Variants in DLX1 observed in about 807,000 individuals in gnomAD.
DLX1 encodes the protein homeobox protein DLX-1.
In DLX1, 7 loss-of-function variants were observed where a neutral mutation model predicts 25.0. The ratio of observed to expected loss-of-function variants is 0.28; its 90% CI spans 0.16 to 0.52. The LOEUF (loss-of-function observed/expected upper bound fraction) is 0.52, where lower values mean the gene tolerates loss of function less well. Among genes scored for constraint, DLX1 ranks in the 20% least tolerant of loss-of-function variants. DLX1 has a pLI of 0.96. For synonymous variants in DLX1, 155 were observed against 140.3 expected (o/e 1.10, Z -0.74); for missense variants, 233 against 334.4 (o/e 0.70, Z 2.37).
At chr2:172,086,159 A>G in intron 1 of DLX1, 169 bp downstream of exon 1, 2 of 649,284 alleles carry the variant, frequency 3.1e-6, no homozygotes, top group East Asian at 5.6e-5. Flanking sequence ...ATATCAATCT[A>G]TAGATCCTTG....
At chr2:172,087,514 T>C (rs1411881130) in intron 2 of DLX1, 6 of 458,894 alleles carry the variant, frequency 1.3e-5, no homozygotes, top group Non-Finnish European at 2.6e-5. Flanking sequence ...AGCAAAACCT[T>C]GAGGCCTCCT....
intron 1 of DLX1, chr2:172,086,196 T>G: frequency 1.9e-5 from 11 of 585,982 alleles, no homozygotes; most frequent in Non-Finnish European, 2.1e-5. Context: ...TTTTTAAAAA[T>G]TCCCTCAATT....
intron 1 of DLX1, 102 bp from the exon 2 acceptor site, chr2:172,086,552 G>T: frequency 8.6e-7 from 1 of 1,161,114 alleles, no homozygotes; most frequent in Non-Finnish European, 1.2e-6. Flanking sequence ...TCTCTCCCTG[G>T]TGCTGCCTCC....
At chr2:172,086,587 C>T in intron 1 of DLX1, 67 bp from the exon 2 acceptor site, 2 of 1,448,982 alleles carry the variant, frequency 1.4e-6, no homozygotes, top group South Asian at 1.4e-5. Flanking sequence ...GCCACTCGCT[C>T]TCGGCTGTTC....
Position 172,085,836 on chromosome 2 carries a change from C to T in DLX1, c.159C>T (p.Pro53=), listed in dbSNP as rs779728824. Residue 53 remains proline (P), a synonymous_variant, in exon 1 of 3, where the codon CCC becomes CCT. Coordinates refer to ENST00000361725, the MANE Select transcript of DLX1 (RefSeq NM_178120.5). The surrounding 1 kb of genome is among the most constrained non-coding windows in gnomAD (Gnocchi z 4.3). ...HCLHSAGHSQ[P]DGAYSSASSF... is the part of the protein sequence containing the mutation. Reference sequence around the variant, plus strand: ...TACACTCGGCGGGCCATTCGCAGCCCGACGGCGCCTACAGCTCAGCCTCGT... The same window carrying T: ...TACACTCGGCGGGCCATTCGCAGCCTGACGGCGCCTACAGCTCAGCCTCGT... 6.2e-7 allele frequency: 1 copy of T among 1,614,200 alleles called. No homozygotes were observed. Among genetic ancestry groups the T allele is most frequent in the South Asian group, 1.1e-5 (1 of 91,090 alleles).
At chr2:172,086,187 T>G (rs1251493695) in intron 1 of DLX1, 197 bp downstream of exon 1, 1 of 611,502 alleles carries the variant, frequency 1.6e-6, no homozygotes, top group East Asian at 2.9e-5. Flanking sequence ...AAATAAATTT[T>G]TTTAAAAATT....
chr2:172,086,949 G>C, intron 2 of DLX1, 96 bp downstream of exon 2: 1 of 1,270,814 alleles, frequency 7.9e-7, no homozygotes. Context: ...CTCAGGGTCG[G>C]GGTGTCACTG....
chr2:172,087,422 G>T, intron 2 of DLX1: 1 of 411,970 alleles, frequency 2.4e-6, no homozygotes, highest in East Asian at 7.9e-5. Flanking sequence ...GGTTTCCGAC[G>T]TCCGGTCCGG....
Position 172,088,294 on chromosome 2 carries a change from A to G in DLX1, c.*37A>G. The G allele has an allele frequency of 7.1e-7, 1 of 1,416,750 alleles. No individual in the cohort carries two copies. Among genetic ancestry groups the G allele is most frequent in the Non-Finnish European group, 9.3e-7 (1 of 1,077,128 alleles). The allele number at this position is 1,416,750 out of a possible 1,614,324, so 87.8% of individuals were successfully genotyped here. A position where few individuals can be genotyped will look rare whatever the true frequency, so the allele number is the denominator to read the frequency against. ...CGTCTCCTTCTTGTCTCCCCGGCCC[A>G]GGTCCCTCCCGCCTCCAGGTCCATC... On this transcript the variant is annotated 3_prime_UTR_variant, in exon 3 of 3. Coordinates refer to ENST00000361725, the MANE Select transcript of DLX1 (RefSeq NM_178120.5).
intron 2 of DLX1, chr2:172,087,077 G>C (rs1451475387): frequency 1.4e-6 from 1 of 712,418 alleles, no homozygotes; most frequent in Admixed American, 2.0e-5. Context: ...CCGGCCCTCT[G>C]TCCCTGGACA....
intron 2 of DLX1, chr2:172,087,658 T>A (rs945215944): frequency 1.8e-6 from 1 of 542,044 alleles, no homozygotes; most frequent in Non-Finnish European, 3.5e-6. Flanking sequence ...GCTGGCTCGG[T>A]GTTATGCAGG....
rs1453819945 is a variant in DLX1, at chr2:172,089,053, G to A, written c.*796G>A. On this transcript the variant is annotated 3_prime_UTR_variant, in exon 3 of 3. Coordinates refer to ENST00000361725, the MANE Select transcript of DLX1 (RefSeq NM_178120.5). ...GCCGAATGATTTGCATTTTTTACAT[G>A]TCCGACATTATTTAATAAATAATTT... The A allele has an allele frequency of 2.0e-5, 3 of 152,124 alleles. No homozygotes were observed. Among genetic ancestry groups the A allele is most frequent in the East Asian group, 1.9e-4 (1 of 5,192 alleles). The allele number at this position is 152,124 out of a possible 1,614,324, so 9.4% of individuals were successfully genotyped here.
intron 2 of DLX1, chr2:172,087,475 A>G: frequency 4.4e-6 from 2 of 456,392 alleles, no homozygotes; most frequent in Non-Finnish European, 8.8e-6. Flanking sequence ...CACTAGTGCA[A>G]GAATGGTTTT....
In DLX1 at chr2:172,088,200, C is replaced by T; in HGVS notation, c.711C>T (p.Tyr237=). Residue 237 remains tyrosine, a synonymous_variant, in exon 3 of 3, where the codon TAC becomes TAT. Coordinates refer to ENST00000361725, the MANE Select transcript of DLX1 (RefSeq NM_178120.5). ...GGNAGSYIPS[Y]TSWYPSAHQE... ...ACGCGGGCTCCTATATCCCCAGCTA[C>T]ACATCGTGGTACCCTTCAGCGCACC... The T allele has an allele frequency of 6.2e-7, 1 of 1,606,448 alleles. No homozygotes were observed. Among genetic ancestry groups the T allele is most frequent in the Admixed American group, 1.7e-5 (1 of 59,192 alleles).
rs1051422185 is a variant in DLX1, at chr2:172,086,194, A to T, written c.313+204A>T. 20 of 601,620 alleles carry T rather than the reference A, an allele frequency of 3.3e-5. No homozygotes were observed. In the African/African-American group the frequency reaches 3.3e-4, roughly 10 times the overall value. The allele number at this position is 601,620 out of a possible 1,614,324, so 37.3% of individuals were successfully genotyped here. ...GTCACAGCAAATAAATTTTTTTAAA[A>T]ATTCCCTCAATTTGCAACTATCCAG... On this transcript the variant is annotated intron_variant, in intron 1 of 2. Coordinates refer to ENST00000361725, the MANE Select transcript of DLX1 (RefSeq NM_178120.5).
In DLX1 at chr2:172,086,947, C is replaced by G. The variant is rs533573402; in HGVS notation, c.513+94C>G. 327 of 1,286,874 alleles carry G rather than the reference C, an allele frequency of 2.5e-4. 1 individual carries two copies. The African/African-American group carries it at 4.2e-3, about 17-fold the overall frequency. 79.7% of individuals were successfully genotyped at this position (1,286,874 alleles called of 1,614,324 possible). A position where few individuals can be genotyped will look rare whatever the true frequency, so the allele number is the denominator to read the frequency against. ...TTTGTTGCTCGCTGGGACTCAGGGT[C>G]GGGGTGTCACTGTGTGTATGTGTTT... On this transcript the variant is annotated intron_variant, in intron 2 of 2. Coordinates refer to ENST00000361725, the MANE Select transcript of DLX1 (RefSeq NM_178120.5).
rs1374290287 is a variant in DLX1 at position 172,089,424 on chromosome 2, C to G, written c.*1167C>G. On this transcript the variant is annotated 3_prime_UTR_variant, in exon 3 of 3. Transcript: ENST00000361725. ...ATTGTTGTTCTGTAAACATGTTGCA[C>G]AAGCTTAGCCTTTTTGCGTTCTGTT... 1.3e-5 allele frequency: 2 copies of G among 152,612 alleles called. No individual in the cohort carries two copies. Among genetic ancestry groups the G allele is most frequent in the Non-Finnish European group, 2.9e-5 (2 of 68,030 alleles). The allele number at this position is 152,612 out of a possible 1,614,324, so 9.5% of individuals were successfully genotyped here.
intron 2 of DLX1, chr2:172,087,514 T>A (rs1411881130): frequency 2.2e-6 from 1 of 459,012 alleles, no homozygotes; most frequent in African/African-American, 2.0e-5. Flanking sequence ...AGCAAAACCT[T>A]GAGGCCTCCT....
chr2:172,087,833 T>C (rs113307347), intron 2 of DLX1, among the ~76,000 whole-genome samples, 170 bp from the exon 3 acceptor site: 6 of 152,182 alleles, frequency 3.9e-5, no homozygotes, highest in African/African-American at 1.4e-4. Context: ...TTGGCTCTTA[T>C]GGGGGAAGGG....
Sources: allele counts gnomAD v4.1 joint callset (sites outside exome capture counted in the v4.1 genomes callset), GRCh38; gene constraint gnomAD v4.1.1; non-coding constraint Gnocchi (gnomAD v3.1); transcripts MANE v1.5; gene names NCBI Gene and HGNC (gene_info 2026-07-23, HGNC 2026-07-21).